Variants in MCM9 observed in about 807,000 individuals in gnomAD.
MCM9 encodes DNA helicase MCM9.
MCM9 carries 55 observed loss-of-function variants against 72.8 expected under a neutral mutation model. That is an observed-to-expected ratio of 0.76 (90% CI 0.61 to 0.95). MCM9 has a LOEUF of 0.95. MCM9 is among the 40% of genes least tolerant of loss of function. The pLI is 0.00. For missense variants in MCM9, 1,279 were observed against 1,377.0 expected, an observed-to-expected ratio of 0.93 and a Z score of 1.13; for synonymous variants, 480 against 503.4, an observed-to-expected ratio of 0.95 and a Z score of 0.62.
chr6:118,906,578 G>A (rs753501439), intron 8 of MCM9, among the ~76,000 whole-genome samples: 4 of 152,046 alleles, frequency 2.6e-5, no homozygotes, highest in Non-Finnish European at 5.9e-5. Flanking sequence ...CTATGAATAC[G>A]GTTATCTCAA....
chr6:118,822,258 T>C (rs761509716), intron 13 of MCM9, among the ~76,000 whole-genome samples: 1 of 152,234 alleles, frequency 6.6e-6, no homozygotes, highest in Non-Finnish European at 1.5e-5. Flanking sequence ...TTCGTGCATT[T>C]ATCTACCTTT....
intron 8 of MCM9, among the ~76,000 whole-genome samples, chr6:118,905,131 C>G (rs531667340): frequency 3.8e-4 from 58 of 152,294 alleles, no homozygotes; most frequent in African/African-American, 1.3e-3. Context: ...CAACCACACC[C>G]AACCTCATTT....
intron 9 of MCM9, among the ~76,000 whole-genome samples, chr6:118,843,673 T>TATATATATAC (rs1491145219): frequency 3.4e-5 from 1 of 29,808 alleles, no homozygotes; most frequent in Non-Finnish European, 7.1e-5. Context: ...TATATATGTA[T>TATATATATAC]GTATATATAT....
intron 9 of MCM9, among the ~76,000 whole-genome samples, chr6:118,843,370 T>G (rs1187911750): frequency 2.0e-5 from 3 of 150,638 alleles, no homozygotes; most frequent in Non-Finnish European, 4.4e-5. Flanking sequence ...GGCTCACACC[T>G]GTAATCCCAG....
chr6:118,924,200 T>G, intron 3 of MCM9, 73 bp from the exon 4 acceptor site: 1 of 1,313,264 alleles, frequency 7.6e-7, no homozygotes, highest in Non-Finnish European at 1.0e-6. Flanking sequence ...ATTCTTCTCC[T>G]ATTTCCTGAA....
rs1781653087 is a variant in MCM9 at position 118,923,961 on chromosome 6, C to T, written c.471G>A (p.Lys157=). The T allele has an allele frequency of 1.2e-6, 2 of 1,614,206 alleles. No individual in the cohort carries two copies. The highest frequency in any genetic ancestry group is 1.7e-6 in the Non-Finnish European group (2 of 1,180,028). The change falls in exon 4 of 14, where the codon AAG becomes AAA. Residue 157 remains lysine (K), a synonymous_variant. Transcript: ENST00000619706. The stretch of plus-strand genomic sequence containing the variant: ...AGGTGTAATACTGCTCAAAGTCAGC[C>T]TTGATCACAAACACATGCTTGCATT... ...CNKCKHVFVI[K]ADFEQYYTFC...
intron 8 of MCM9, chr6:118,894,270 G>A (rs1412259233): frequency 6.8e-7 from 1 of 1,460,942 alleles, no homozygotes; most frequent in Non-Finnish European, 9.0e-7. Context: ...TAAATAAAAA[G>A]AGGAAAAAAG....
At position 118,917,645 on chromosome 6, in the gene MCM9, G is replaced by T; in HGVS notation, c.820C>A (p.Gln274Lys). Residue 274 changes from glutamine to lysine, a missense_variant, in exon 6 of 14, where the codon CAG (glutamine) becomes AAG (lysine). Gln to Lys is a moderately conservative substitution (Grantham distance 53, BLOSUM62 1). Coordinates refer to ENST00000619706, the MANE Select transcript of MCM9 (RefSeq NM_017696.3). ...TCATCCATGATGATCCCTGAGGACT[G>T]CTCATTATTTACTTGGATGTAATTT... ...KANYIQVNNE[Q>K]SSGIIMDEEV... The T allele has an allele frequency of 6.2e-7, 1 of 1,614,124 alleles. No homozygotes were observed. Among genetic ancestry groups the T allele is most frequent in the Non-Finnish European group, 8.5e-7 (1 of 1,179,998 alleles).
chr6:118,910,865 T>C (rs1350145966), intron 8 of MCM9: 9 of 985,388 alleles, frequency 9.1e-6, no homozygotes, highest in Non-Finnish European at 1.1e-5. Flanking sequence ...TATGATAAAT[T>C]TTAAAGTGTT....
intron 9 of MCM9, among the ~76,000 whole-genome samples, chr6:118,836,629 C>G (rs1774978790): frequency 6.6e-6 from 1 of 152,054 alleles, no homozygotes; most frequent in Non-Finnish European, 1.5e-5. Context: ...TAGTTTGTTT[C>G]TGTAGAAGTA....
intron 9 of MCM9, among the ~76,000 whole-genome samples, chr6:118,836,276 C>T (rs1173158899): frequency 9.2e-5 from 14 of 152,150 alleles, no homozygotes; most frequent in Non-Finnish European, 1.5e-4. Flanking sequence ...ATTTTCTCAT[C>T]GATGTTCATC....
intron 8 of MCM9, among the ~76,000 whole-genome samples, chr6:118,895,477 G>T (rs1230769554): frequency 6.6e-6 from 1 of 152,208 alleles, no homozygotes; most frequent in African/African-American, 2.4e-5. Flanking sequence ...TCAAGACCGT[G>T]TTGAAATCTA....
At chr6:118,917,321 G>GTA (rs1781045504) in intron 6 of MCM9, among the ~76,000 whole-genome samples, 1 of 152,182 alleles carries the variant, frequency 6.6e-6, no homozygotes, top group Non-Finnish European at 1.5e-5. Flanking sequence ...TTTTGGCAGT[G>GTA]TATAAGGTGT....
chr6:118,906,069 T>C (rs1205647404), intron 8 of MCM9, among the ~76,000 whole-genome samples: 1 of 152,080 alleles, frequency 6.6e-6, no homozygotes, highest in East Asian at 1.9e-4. Flanking sequence ...TTTAGAAAAA[T>C]GAAAGTACCT....
At position 118,840,619 on chromosome 6, in the gene MCM9, A is replaced by AT. The variant is rs200361243; in HGVS notation, c.1326-11370dup. On this transcript the variant is annotated intron_variant, in intron 9 of 13. Coordinates refer to ENST00000619706, the MANE Select transcript of MCM9 (RefSeq NM_017696.3). Reference sequence around the variant, plus strand: ...CCTTGATTTTTAAAAATTGTTTAGCATTTTTTTTAAAAAACCCAATAAAAC... The same window carrying AT: ...CCTTGATTTTTAAAAATTGTTTAGCATTTTTTTTTAAAAAACCCAATAAAAC... Among the ~76,000 whole-genome samples, 999 of 151,794 alleles carry AT rather than the reference A, an allele frequency of 6.6e-3. 7 individuals are homozygous for AT. The highest frequency in any genetic ancestry group is 0.022 in the African/African-American group (924 of 41,364).
At chr6:118,870,922 G>T (rs980412223) in intron 8 of MCM9, among the ~76,000 whole-genome samples, 17 of 151,724 alleles carry the variant, frequency 1.1e-4, no homozygotes, top group African/African-American at 4.1e-4. Flanking sequence ...TTGAAAATCT[G>T]CATGGATGAA....
intron 9 of MCM9, among the ~76,000 whole-genome samples, chr6:118,829,514 A>T (rs1015655826): frequency 6.6e-6 from 1 of 152,224 alleles, no homozygotes. Context: ...AAGTGCTAAG[A>T]AGTATCCAAA....
At chr6:118,920,729 T>G (rs963781816) in intron 5 of MCM9, 2 of 152,276 alleles carry the variant, frequency 1.3e-5, no homozygotes, top group African/African-American at 4.8e-5. Context: ...TCTGCCATGA[T>G]TGTAAACTTC....
At chr6:118,894,668 C>T in intron 8 of MCM9, 2 of 695,606 alleles carry the variant, frequency 2.9e-6, no homozygotes, top group East Asian at 2.8e-5. Context: ...AGTTGATGGA[C>T]GACGGCCGCC....
Sources: allele counts gnomAD v4.1 joint callset (sites outside exome capture counted in the v4.1 genomes callset), GRCh38; gene constraint gnomAD v4.1.1; transcripts MANE v1.5; gene names NCBI Gene and HGNC (gene_info 2026-07-23, HGNC 2026-07-21).